Variants in USH2A observed in about 807,000 individuals in gnomAD.
USH2A encodes Usher syndrome 2A (autosomal recessive, mild).
In USH2A, 443 loss-of-function variants were observed where a neutral mutation model predicts 538.9. The ratio of observed to expected loss-of-function variants is 0.82; its 90% CI spans 0.76 to 0.89. USH2A has a LOEUF of 0.89. USH2A is among the 40% of genes least tolerant of loss of function. The pLI, the probability that USH2A is intolerant of heterozygous loss-of-function variation, is 0.00. For missense variants in USH2A, 6,633 were observed against 6,324.8 expected (o/e 1.05, Z -1.65); for synonymous variants, 2,413 against 2,273.5 (o/e 1.06, Z -1.75).
chr1:216,072,765 G>T, intron 29 of USH2A, 124 bp downstream of exon 29: 1 of 920,898 alleles, frequency 1.1e-6, no homozygotes, highest in Non-Finnish European at 1.8e-6. Flanking sequence ...TCAAACCAAG[G>T]CATGCTCTGT....
In USH2A at chr1:216,379,968, A is replaced by C. The variant is rs186242603; in HGVS notation, c.652-14883T>G. Among the ~76,000 whole-genome samples the C allele has an allele frequency of 1.6e-3, 251 of 152,334 alleles. 2 individuals carry two copies. In the Middle Eastern group the frequency reaches 0.031, roughly 19 times the overall value. On this transcript the variant is annotated intron_variant, in intron 3 of 71. Transcript: ENST00000307340. ...TTGAACCAAAGAGCCATGTATGTGT[A>C]AACTCCCAAACTTATTTGAAGTAAC...
intron 3 of USH2A, among the ~76,000 whole-genome samples, chr1:216,400,885 G>A (rs1002569927): frequency 2.6e-5 from 4 of 152,080 alleles, no homozygotes; most frequent in African/African-American, 9.7e-5. Flanking sequence ...TCTCAGATGA[G>A]TGAAAAATAA....
chr1:215,820,089 TA>T (rs1376701384), intron 47 of USH2A, among the ~76,000 whole-genome samples: 1 of 151,800 alleles, frequency 6.6e-6, no homozygotes, highest in Non-Finnish European at 1.5e-5. Flanking sequence ...CACTCATGCA[TA>T]AACATAAACA....
intron 4 of USH2A, among the ~76,000 whole-genome samples, chr1:216,354,722 G>A (rs961800789): frequency 6.6e-6 from 1 of 150,758 alleles, no homozygotes; most frequent in African/African-American, 2.4e-5. Context: ...TGAAAACAAA[G>A]GAACAAACAA....
Position 216,090,808 on chromosome 1 carries a change from A to G in USH2A, c.4759-1669T>C, listed in dbSNP as rs141194052. Among the ~76,000 whole-genome samples the G allele has an allele frequency of 9.2e-5, 14 of 152,284 alleles. No homozygotes were observed. The South Asian group carries it at 2.3e-3, about 25-fold the overall frequency. ...GCATGGGATGCTAATTGGGCGTGAC[A>G]TAAGAAACTGGCTTACTTCTTAGCA... On this transcript the variant is annotated intron_variant, in intron 22 of 71. Coordinates refer to ENST00000307340, the MANE Select transcript of USH2A (RefSeq NM_206933.4).
chr1:216,116,440 G>A (rs1335990717), intron 21 of USH2A, among the ~76,000 whole-genome samples: 1 of 152,006 alleles, frequency 6.6e-6, no homozygotes, highest in East Asian at 1.9e-4. Flanking sequence ...GATTTCAATG[G>A]TGTCCATGTC....
chr1:215,650,594 C>A lies in USH2A; in HGVS notation c.14341G>T (p.Val4781Leu). ...GGATTTTTAGCTCTGCTGCTCACCA[C>A]TGTCTCAGCCCCATGGGCGCTGCTG... ...FSSSAHGAET[V>L]LSEGMATQQT... The change falls in exon 65 of 72, where the codon GTG (valine) becomes TTG (leucine). Residue 4781 changes from valine to leucine, a missense_variant and splice_region_variant. Val to Leu is a conservative substitution (Grantham distance 32). Transcript: ENST00000307340. 1 of 1,614,212 alleles carries A rather than the reference C, an allele frequency of 6.2e-7. No homozygotes were observed. Among genetic ancestry groups the A allele is most frequent in the Non-Finnish European group, 8.5e-7 (1 of 1,180,036 alleles).
chr1:215,908,568 T>C (rs1665698089), intron 38 of USH2A, among the ~76,000 whole-genome samples: 1 of 151,970 alleles, frequency 6.6e-6, no homozygotes, highest in Admixed American at 6.6e-5. Flanking sequence ...ATGGTAAAAT[T>C]ATTATAGATA....
chr1:216,177,979 C>G (rs1414817212), intron 20 of USH2A, among the ~76,000 whole-genome samples: 1 of 152,054 alleles, frequency 6.6e-6, no homozygotes, highest in Non-Finnish European at 1.5e-5. Context: ...TACACAGACG[C>G]AAAGTCATTG....
chr1:216,395,646 G>T (rs576122746), intron 3 of USH2A, among the ~76,000 whole-genome samples: 1 of 152,336 alleles, frequency 6.6e-6, no homozygotes, highest in Non-Finnish European at 1.5e-5. Context: ...CTGTAAAGAA[G>T]TTTCTCTCCA....
intron 41 of USH2A, among the ~76,000 whole-genome samples, chr1:215,887,363 A>G (rs1025879067): frequency 8.3e-4 from 126 of 152,244 alleles, no homozygotes; most frequent in African/African-American, 3.0e-3. Context: ...CATTTCTGGA[A>G]TGATTATTAA....
intron 37 of USH2A, among the ~76,000 whole-genome samples, chr1:215,963,336 G>A (rs372057888): frequency 4.6e-5 from 7 of 152,210 alleles, no homozygotes; most frequent in African/African-American, 1.7e-4. Context: ...CAGTGGACAT[G>A]AGAGTTCCAG....
chr1:215,764,497 C>G (rs1426252141), intron 56 of USH2A, among the ~76,000 whole-genome samples: 1 of 152,214 alleles, frequency 6.6e-6, no homozygotes, highest in South Asian at 2.1e-4. Flanking sequence ...ACACAGTTTT[C>G]TATGAGGATA....
intron 30 of USH2A, among the ~76,000 whole-genome samples, chr1:216,068,431 G>C (rs1245843831): frequency 6.6e-6 from 1 of 152,114 alleles, no homozygotes; most frequent in Non-Finnish European, 1.5e-5. Flanking sequence ...ATGTATCTGG[G>C]GGCTTGTTAA....
Position 215,813,788 on chromosome 1 carries a change from C to T in USH2A, c.9687G>A (p.Glu3229=), listed in dbSNP as rs1277513271. ...AGCAGCACTGATGATTTGGTTGTGC[C>T]TCCTGTATTCGGCCACCACAACAAA... is the stretch of plus-strand genomic sequence containing the variant. The part of the protein sequence containing the change: ...TGVCCGGRIQ[E]AQPNHQCCSG... The change falls in exon 49 of 72, where the codon GAG becomes GAA. Residue 3229 remains glutamate (E), a synonymous_variant. Coordinates refer to ENST00000307340, the MANE Select transcript of USH2A (RefSeq NM_206933.4). The T allele has an allele frequency of 3.7e-6, 6 of 1,613,896 alleles. No homozygotes were observed. In the African/African-American group the frequency reaches 6.7e-5, roughly 18 times the overall value.
At chr1:216,369,920 CAAAAAAAAAA>C (rs71161416) in intron 3 of USH2A, among the ~76,000 whole-genome samples, 5 of 127,376 alleles carry the variant, frequency 3.9e-5, no homozygotes, top group Non-Finnish European at 4.8e-5. Context: ...GAGACTCTGC[CAAAAAAAAAA>C]AAAAAAAAAA....
chr1:216,070,217 G>T lies in USH2A; in HGVS notation c.5933C>A (p.Pro1978His), dbSNP rs2031513346. 2.5e-6 allele frequency: 4 copies of T among 1,613,948 alleles called. No individual in the cohort carries two copies. Among genetic ancestry groups the T allele is most frequent in the Non-Finnish European group, 3.4e-6 (4 of 1,179,918 alleles). Residue 1978 changes from proline to histidine, a missense_variant, in exon 30 of 72, where the codon CCT (proline) becomes CAT (histidine). Physicochemically the swap from Pro to His is moderately conservative, Grantham distance 77. Coordinates refer to ENST00000307340, the MANE Select transcript of USH2A (RefSeq NM_206933.4). ...GYSIEVTWDE[P>H]VVRGVIEKYI... The stretch of plus-strand genomic sequence containing the variant: ...CTTCTCAATTACACCTCTGACAACA[G>T]GTTCATCCCAGGTCACCTCAATGCT...
intron 38 of USH2A, among the ~76,000 whole-genome samples, chr1:215,928,845 T>C (rs912561369): frequency 1.3e-5 from 2 of 152,128 alleles, no homozygotes; most frequent in African/African-American, 4.8e-5. Context: ...TCCAGTCTCT[T>C]AAATTCTAAA....
At chr1:216,115,397 A>G (rs1238674432) in intron 21 of USH2A, among the ~76,000 whole-genome samples, 1 of 152,180 alleles carries the variant, frequency 6.6e-6, no homozygotes, top group East Asian at 1.9e-4. Context: ...CTCCCTCTTC[A>G]GCTTCCCAAA....
Sources: allele counts gnomAD v4.1 joint callset (sites outside exome capture counted in the v4.1 genomes callset), GRCh38; gene constraint gnomAD v4.1.1; transcripts MANE v1.5; gene names NCBI Gene and HGNC (gene_info 2026-07-23, HGNC 2026-07-21).